Variants in COQ10B observed in about 807,000 individuals in gnomAD.
COQ10B encodes coenzyme Q-binding protein COQ10 homolog B, mitochondrial.
COQ10B carries 12 observed loss-of-function variants against 27.6 expected under a neutral mutation model. That is an observed-to-expected ratio of 0.43 (90% CI 0.28 to 0.70). The LOEUF is 0.70. Ranked by LOEUF, COQ10B falls within the 30% of genes least tolerant of loss-of-function variation. COQ10B has a pLI of 0.17. For synonymous variants in COQ10B, 115 were observed against 103.0 expected (o/e 1.12, Z -0.71); for missense variants, 278 against 288.7 (o/e 0.96, Z 0.27).
chr2:197,468,148 T>C (rs755505057), intron 3 of COQ10B, among the ~76,000 whole-genome samples: 4 of 152,022 alleles, frequency 2.6e-5, no homozygotes, highest in Non-Finnish European at 4.4e-5. Flanking sequence ...TGTATAAAAG[T>C]AGTCAGAGGA....
chr2:197,463,996 T>TATACACACACAC (rs1553574096), intron 3 of COQ10B, among the ~76,000 whole-genome samples: 1 of 32,848 alleles, frequency 3.0e-5, no homozygotes, highest in African/African-American at 1.2e-4. Flanking sequence ...TATATATATA[T>TATACACACACAC]ACACACACAC....
chr2:197,469,662 G>A (rs2106057108), intron 3 of COQ10B, among the ~76,000 whole-genome samples: 1 of 152,330 alleles, frequency 6.6e-6, no homozygotes, highest in South Asian at 2.1e-4. Context: ...ACATTTCAGT[G>A]ATCTCATGAT....
chr2:197,470,022 A>AG (rs2085862538), intron 3 of COQ10B, 48 bp from the exon 4 acceptor site: 1 of 1,118,070 alleles, frequency 8.9e-7, no homozygotes, highest in African/African-American at 1.5e-5. Flanking sequence ...GATTATGTCC[A>AG]GTAGCAAAGG....
At chr2:197,455,340 A>G (rs1023297916) in intron 1 of COQ10B, among the ~76,000 whole-genome samples, 2 of 152,122 alleles carry the variant, frequency 1.3e-5, no homozygotes, top group African/African-American at 4.8e-5. Flanking sequence ...CAACAGATGA[A>G]TGGTACTGGG....
intron 2 of COQ10B, among the ~76,000 whole-genome samples, chr2:197,461,627 C>CAG (rs66918493): frequency 0.021 from 2,718 of 129,466 alleles, 28 homozygotes; most frequent in South Asian, 0.025. Flanking sequence ...TACAGGGTCT[C>CAG]AGAGAGAGAG....
rs199664770 is a variant in COQ10B at position 197,464,080 on chromosome 2, CATATATATATAT to C, written c.447+1351_447+1362del. 4.3e-3 allele frequency among the ~76,000 whole-genome samples: 594 copies of C among 136,634 alleles called. 3 individuals are homozygous for C. Among genetic ancestry groups the C allele is most frequent in the African/African-American group, 0.016 (571 of 36,774 alleles). The allele number at this position is 136,634 out of a possible 152,430, so 89.6% of individuals were successfully genotyped here. The stretch of plus-strand genomic sequence containing the variant: ...ATATATATATATACACACACACACA[CATATATATATAT>C]ACATATATATGTATAAACATTGTTG... On this transcript the variant is annotated intron_variant, in intron 3 of 4. Transcript: ENST00000263960.
intron 4 of COQ10B, among the ~76,000 whole-genome samples, chr2:197,473,456 ATATATATATG>A (rs1377394783): frequency 3.1e-5 from 4 of 130,264 alleles, no homozygotes; most frequent in Non-Finnish European, 6.4e-5. Flanking sequence ...ATATATACAT[ATATATATATG>A]TATATATACA....
intron 3 of COQ10B, among the ~76,000 whole-genome samples, chr2:197,465,455 A>AT (rs1007127772): frequency 9.3e-5 from 14 of 151,322 alleles, no homozygotes; most frequent in African/African-American, 3.2e-4. Flanking sequence ...ACGCTCGGCT[A>AT]TTTTTTTTGT....
chr2:197,460,528 A>G (rs1466095336), intron 2 of COQ10B, among the ~76,000 whole-genome samples: 1 of 152,208 alleles, frequency 6.6e-6, no homozygotes, highest in East Asian at 1.9e-4. Context: ...TTGAATGAAT[A>G]TAATTATATG....
chr2:197,473,453 CATATATATATATGTATATAT>C (rs2085904680), intron 4 of COQ10B, among the ~76,000 whole-genome samples: 1 of 37,492 alleles, frequency 2.7e-5, no homozygotes, highest in Non-Finnish European at 6.4e-5. Flanking sequence ...CACATATATA[CATATATATATATGTATATAT>C]ACACGTATAT....
intron 1 of COQ10B, among the ~76,000 whole-genome samples, chr2:197,454,871 A>G (rs2085679541): frequency 6.6e-6 from 1 of 152,164 alleles, no homozygotes; most frequent in Admixed American, 6.5e-5. Context: ...GTACTGGAAG[A>G]CGAGTGACAA....
rs1175747428 is a variant in COQ10B at position 197,454,244 on chromosome 2, C to T, written c.104+580C>T. 3.6e-6 allele frequency: 4 copies of T among 1,099,362 alleles called. No individual in the cohort carries two copies. The East Asian group carries it at 1.1e-4, about 30-fold the overall frequency. The allele number at this position is 1,099,362 out of a possible 1,614,324, so 68.1% of individuals were successfully genotyped here. On this transcript the variant is annotated intron_variant, in intron 1 of 4. Coordinates refer to ENST00000263960, the MANE Select transcript of COQ10B (RefSeq NM_025147.5). ...GAAGCATAGTCAGCTTTCGATTTTCCTGGTTGGTTCATTTTTTGGTAGGTG... is the reference window on the plus strand; with the variant it reads ...GAAGCATAGTCAGCTTTCGATTTTCTTGGTTGGTTCATTTTTTGGTAGGTG...
At chr2:197,473,638 A>T (rs114911753) in intron 4 of COQ10B, 119 bp from the exon 5 acceptor site, 8 of 639,636 alleles carry the variant, frequency 1.3e-5, no homozygotes, top group Non-Finnish European at 1.7e-5. Flanking sequence ...GTGAGCCGCA[A>T]TTGTGCCACT....
Position 197,473,845 on chromosome 2 carries a change from A to C in COQ10B, c.638A>C (p.Glu213Ala). The change falls in exon 5 of 5, where the codon GAA (glutamate) becomes GCA (alanine). Residue 213 changes from glutamate to alanine, a missense_variant. Physicochemically the swap from Glu to Ala is moderately radical, Grantham distance 107 (BLOSUM62 -1). Around this residue, in one of 3 missense-constraint regions of COQ10B, gnomAD observed 83 missense variants for 104.5 expected, o/e 0.79. Transcript: ENST00000263960. Reference protein sequence around the residue: ...EVVKQMVAAFERRACKLYGPE... With the variant: ...EVVKQMVAAFARRACKLYGPE... Reference sequence around the variant, plus strand: ...GTGAAGCAGATGGTAGCTGCCTTTGAAAGAAGAGCATGTAAGCTGTATGGT... The same window carrying C: ...GTGAAGCAGATGGTAGCTGCCTTTGCAAGAAGAGCATGTAAGCTGTATGGT... 1 of 1,605,974 alleles carries C rather than the reference A, an allele frequency of 6.2e-7. No individual in the cohort carries two copies. Among genetic ancestry groups the C allele is most frequent in the South Asian group, 1.1e-5 (1 of 90,022 alleles).
chr2:197,473,410 AAAAAAATATATAT>A (rs1188455039), intron 4 of COQ10B, among the ~76,000 whole-genome samples: 3 of 65,510 alleles, frequency 4.6e-5, no homozygotes, highest in African/African-American at 2.1e-4. Flanking sequence ...CACAAAAAAA[AAAAAAATATATAT>A]ATATATATAT....
chr2:197,458,847 AT>A (rs1481639123), intron 1 of COQ10B, among the ~76,000 whole-genome samples: 4 of 151,790 alleles, frequency 2.6e-5, no homozygotes, highest in African/African-American at 9.7e-5. Context: ...CACTCAGCTA[AT>A]TTTTTGCATT....
At chr2:197,464,912 C>T (rs563404622) in intron 3 of COQ10B, among the ~76,000 whole-genome samples, 2 of 144,868 alleles carry the variant, frequency 1.4e-5, no homozygotes, top group African/African-American at 5.1e-5. Context: ...CTCACTCTGT[C>T]GCCCATGCTG....
chr2:197,465,354 A>G (rs2085813350), intron 3 of COQ10B, among the ~76,000 whole-genome samples: 1 of 151,408 alleles, frequency 6.6e-6, no homozygotes. Flanking sequence ...CAGTAGCACA[A>G]GCACAGCTCA....
intron 3 of COQ10B, among the ~76,000 whole-genome samples, chr2:197,465,196 C>G (rs894672225): frequency 9.9e-5 from 15 of 151,524 alleles, no homozygotes; most frequent in Non-Finnish European, 1.5e-4. Context: ...GAACTTAAAT[C>G]TTAGTATATA....
Sources: allele counts gnomAD v4.1 joint callset (sites outside exome capture counted in the v4.1 genomes callset), GRCh38; gene constraint gnomAD v4.1.1; regional missense constraint gnomAD v4.1.1; transcripts MANE v1.5; gene names NCBI Gene and HGNC (gene_info 2026-07-23, HGNC 2026-07-21).